The following HYAL4 variants were observed in gnomAD, a reference collection of about 807,000 sequenced individuals.
HYAL4 encodes the protein hyaluronidase 4, also known as hyaluronidase-4.
HYAL4 carries 37 observed loss-of-function variants against 35.2 expected under a neutral mutation model. The ratio of observed to expected loss-of-function variants is 1.05; its 90% confidence interval spans 0.81 to 1.38. The LOEUF is 1.38. Among genes scored for constraint, HYAL4 ranks in the 40% most tolerant of loss-of-function variants. The pLI is 0.00. For synonymous variants in HYAL4, 198 were observed against 203.2 expected (o/e 0.97, Z 0.22); for missense variants, 572 against 572.4 (o/e 1.00, Z 0.01).
At chr7:123,792,268 G>A in the HYAL4 span, among the ~76,000 whole-genome samples, 6 of 152,144 alleles carry the variant, frequency 3.9e-5, no homozygotes, top group Admixed American at 1.3e-4. Context: ...TTTAGAACAC[G>A]GTACGTATTT....
chr7:123,790,855 C>T, the HYAL4 span: 1 of 151,906 alleles, frequency 6.6e-6, no homozygotes, highest in Non-Finnish European at 1.5e-5. Context: ...ACCGCTGCCC[C>T]CCGAGTTCAA....
chr7:123,773,013 TTTG>T, the HYAL4 span, among the ~76,000 whole-genome samples: 1 of 151,828 alleles, frequency 6.6e-6, no homozygotes, highest in Non-Finnish European at 1.5e-5. Flanking sequence ...GTGGTCTTGA[TTTG>T]TTTTCTTTTT....
chr7:123,848,583 A>G (rs1419107073), intron 2 of HYAL4, among the ~76,000 whole-genome samples: 1 of 152,250 alleles, frequency 6.6e-6, no homozygotes, highest in Non-Finnish European at 1.5e-5. Flanking sequence ...ACATGACTTC[A>G]TGAGACAGCC....
chr7:123,791,826 A>G, the HYAL4 span, among the ~76,000 whole-genome samples: 2 of 152,226 alleles, frequency 1.3e-5, no homozygotes, highest in South Asian at 2.1e-4. Flanking sequence ...AAGATGCTCA[A>G]GACATAGCAT....
the HYAL4 span, among the ~76,000 whole-genome samples, chr7:123,787,701 T>C: frequency 1.3e-5 from 2 of 152,178 alleles, no homozygotes; most frequent in African/African-American, 4.8e-5. Flanking sequence ...AAGCATAATC[T>C]TCCTTAATGC....
chr7:123,792,523 T>C, the HYAL4 span, among the ~76,000 whole-genome samples: 1 of 152,200 alleles, frequency 6.6e-6, no homozygotes, highest in Admixed American at 6.5e-5. Flanking sequence ...TAGTCACATA[T>C]ATAATAATAG....
At chr7:123,872,534 C>T (rs1806911938) in intron 3 of HYAL4, among the ~76,000 whole-genome samples, 1 of 152,204 alleles carries the variant, frequency 6.6e-6, no homozygotes, top group African/African-American at 2.4e-5. Context: ...GCCCTACCCT[C>T]TACTTCTGAA....
chr7:123,804,385 A>G, the HYAL4 span, among the ~76,000 whole-genome samples: 1 of 152,194 alleles, frequency 6.6e-6, no homozygotes, highest in African/African-American at 2.4e-5. Flanking sequence ...AGAGTCCTAG[A>G]GGAAGGGAGG....
At chr7:123,833,732 T>C (rs1303822644) in intron 1 of HYAL4, among the ~76,000 whole-genome samples, 2 of 152,240 alleles carry the variant, frequency 1.3e-5, no homozygotes. Flanking sequence ...ATTTAAGTTC[T>C]TGATTCTTCA....
chr7:123,857,685 C>CTTTGTTTGTTTG (rs1369815480), intron 2 of HYAL4, among the ~76,000 whole-genome samples: 4,585 of 139,116 alleles, frequency 0.033, 121 homozygotes, highest in Middle Eastern at 0.096. Flanking sequence ...TTCTTTCTTT[C>CTTTGTTTGTTTG]TTTCTTTCTT....
chr7:123,862,576 A>G (rs1276550497), intron 2 of HYAL4, among the ~76,000 whole-genome samples: 1 of 152,236 alleles, frequency 6.6e-6, no homozygotes, highest in Non-Finnish European at 1.5e-5. Flanking sequence ...GTGTTTGAGA[A>G]CAGGCACTTA....
chr7:123,804,662 CAT>C, the HYAL4 span, among the ~76,000 whole-genome samples: 4 of 152,122 alleles, frequency 2.6e-5, no homozygotes, highest in African/African-American at 4.8e-5. Context: ...TGCACACACA[CAT>C]GGCCGCCCAC....
At chr7:123,774,238 T>C in the HYAL4 span, among the ~76,000 whole-genome samples, 1 of 152,108 alleles carries the variant, frequency 6.6e-6, no homozygotes, top group African/African-American at 2.4e-5. Flanking sequence ...GGGGTTTTGC[T>C]ATGTTGCCCA....
the HYAL4 span, among the ~76,000 whole-genome samples, chr7:123,788,861 T>G: frequency 6.6e-6 from 1 of 152,226 alleles, no homozygotes; most frequent in Non-Finnish European, 1.5e-5. Context: ...TCATTAAAAA[T>G]GTAATTGTAA....
At position 123,876,759 on chromosome 7, in the gene HYAL4, C is replaced by A; in HGVS notation, c.1050C>A (p.Asn350Lys). ...GDMNLTASKA[N>K]CTKVKQFVSS... is the part of the protein sequence containing the mutation. ...ATTTCTTCCTACATTTCTAGGCCAA[C>A]TGTACAAAGGTGAAGCAGTTTGTGA... Residue 350 changes from asparagine (N) to lysine (K), a missense_variant, in exon 5 of 5, where the codon AAC (asparagine) becomes AAA (lysine). Coordinates refer to ENST00000223026, the MANE Select transcript of HYAL4 (RefSeq NM_012269.3). The A allele has an allele frequency of 3.1e-6, 5 of 1,607,012 alleles. No homozygotes were observed. Among genetic ancestry groups the A allele is most frequent in the Non-Finnish European group, 4.3e-6 (5 of 1,174,504 alleles).
At chr7:123,846,036 C>A (rs1471818368) in intron 1 of HYAL4, among the ~76,000 whole-genome samples, 1 of 152,196 alleles carries the variant, frequency 6.6e-6, no homozygotes, top group Non-Finnish European at 1.5e-5. Context: ...GATACCAGCA[C>A]CTGCTCTGGT....
At chr7:123,843,988 CCTA>C (rs1163065878), upstream of HYAL4, among the ~76,000 whole-genome samples, 2 of 151,990 alleles carry the variant, frequency 1.3e-5, no homozygotes, top group Non-Finnish European at 2.9e-5. Flanking sequence ...CCTTCTGAAA[CCTA>C]CTTCTGTCAA....
chr7:123,773,687 C>G, the HYAL4 span, among the ~76,000 whole-genome samples: 1 of 152,230 alleles, frequency 6.6e-6, no homozygotes, highest in Non-Finnish European at 1.5e-5. Flanking sequence ...CAGGAACCAA[C>G]TCATTGAGTC....
At chr7:123,782,064 A>G in the HYAL4 span, among the ~76,000 whole-genome samples, 1 of 134,088 alleles carries the variant, frequency 7.5e-6, no homozygotes. Flanking sequence ...CGCCATCACC[A>G]TGGGCTAATA....
Sources: allele counts gnomAD v4.1 joint callset (sites outside exome capture counted in the v4.1 genomes callset), GRCh38; gene constraint gnomAD v4.1.1; transcripts MANE v1.5; gene names NCBI Gene and HGNC (gene_info 2026-07-23, HGNC 2026-07-21).